The following RAPGEF5 variants were observed in gnomAD, a reference collection of about 807,000 sequenced individuals.
RAPGEF5 encodes the protein M-Ras-regulated GEF.
In RAPGEF5, 65 loss-of-function variants were observed where a neutral mutation model predicts 125.2. That is an observed-to-expected ratio of 0.52 (90% CI 0.43 to 0.64). The LOEUF (loss-of-function observed/expected upper bound fraction) is 0.64, where lower values mean the gene tolerates loss of function less well. Among genes scored for constraint, RAPGEF5 ranks in the 30% least tolerant of loss-of-function variants. The pLI is 0.00. For synonymous variants in RAPGEF5, 391 were observed against 385.9 expected (o/e 1.01, Z -0.16); for missense variants, 958 against 1,048.1 (o/e 0.91, Z 1.19).
intron 13 of RAPGEF5, 71 bp downstream of exon 13, chr7:22,162,326 T>A: frequency 2.8e-6 from 4 of 1,454,452 alleles, no homozygotes; most frequent in Non-Finnish European, 3.8e-6. Flanking sequence ...ACAAATGAGA[T>A]TTTTAAAATG....
intron 1 of RAPGEF5, among the ~76,000 whole-genome samples, chr7:22,351,879 G>A (rs1439331793): frequency 6.6e-6 from 1 of 152,154 alleles, no homozygotes; most frequent in Admixed American, 6.6e-5. Flanking sequence ...AAAGGGAAAG[G>A]GATACTTTGT....
At chr7:22,245,611 A>C (rs1786456381) in intron 7 of RAPGEF5, among the ~76,000 whole-genome samples, 1 of 152,066 alleles carries the variant, frequency 6.6e-6, no homozygotes, top group Admixed American at 6.6e-5. Context: ...ACTAAGCCAT[A>C]TTTCCTCTCA....
chr7:22,344,345 G>C (rs1259967017), intron 1 of RAPGEF5, among the ~76,000 whole-genome samples: 1 of 152,110 alleles, frequency 6.6e-6, no homozygotes, highest in Non-Finnish European at 1.5e-5. Context: ...AGGTTCAGAG[G>C]CCCAAGGAGA....
chr7:22,222,254 A>G (rs568694557), intron 8 of RAPGEF5, among the ~76,000 whole-genome samples: 1 of 152,274 alleles, frequency 6.6e-6, no homozygotes, highest in East Asian at 1.9e-4. Flanking sequence ...AAAAACAAAA[A>G]CAAAGTTCCT....
chr7:22,292,643 C>T (rs1364631916), intron 5 of RAPGEF5, among the ~76,000 whole-genome samples: 3 of 152,148 alleles, frequency 2.0e-5, no homozygotes, highest in African/African-American at 7.2e-5. Flanking sequence ...CGCTTTATAA[C>T]CTCAACCACC....
intron 23 of RAPGEF5, among the ~76,000 whole-genome samples, chr7:22,134,136 TA>T (rs757299194): frequency 2.2e-4 from 34 of 152,358 alleles, no homozygotes; most frequent in African/African-American, 6.0e-4. Flanking sequence ...TAAAAAAGCC[TA>T]AGAATTAATG....
chr7:22,199,557 A>AAAAAAAAAAAAAGAAAAAT (rs1785230210), intron 9 of RAPGEF5, among the ~76,000 whole-genome samples: 1 of 118,172 alleles, frequency 8.5e-6, no homozygotes, highest in Non-Finnish European at 1.8e-5. Context: ...AAAAAAAAAA[A>AAAAAAAAAAAAAGAAAAAT]AGGAACTGAG....
At chr7:22,340,707 A>G (rs1363811108) in intron 1 of RAPGEF5, among the ~76,000 whole-genome samples, 1 of 152,122 alleles carries the variant, frequency 6.6e-6, no homozygotes, top group African/African-American at 2.4e-5. Context: ...GGTATTCCGC[A>G]CTAGAACCCC....
chr7:22,160,455 A>G, intron 14 of RAPGEF5, 63 bp downstream of exon 14: 1 of 1,479,448 alleles, frequency 6.8e-7, no homozygotes, highest in Non-Finnish European at 9.1e-7. Context: ...AGGCATTCCA[A>G]ATTCTATCAT....
At chr7:22,134,445 C>A (rs937310692) in intron 23 of RAPGEF5, among the ~76,000 whole-genome samples, 1 of 151,852 alleles carries the variant, frequency 6.6e-6, no homozygotes, top group Admixed American at 6.6e-5. Context: ...ACAGAGGTCT[C>A]GATAAACTCA....
intron 5 of RAPGEF5, among the ~76,000 whole-genome samples, chr7:22,294,023 A>T (rs1782994377): frequency 6.6e-6 from 1 of 152,204 alleles, no homozygotes. Context: ...TTATCCAATC[A>T]AAATAAATAA....
At chr7:22,172,847 T>C (rs779585783) in intron 11 of RAPGEF5, among the ~76,000 whole-genome samples, 19 of 152,196 alleles carry the variant, frequency 1.2e-4, no homozygotes, top group Non-Finnish European at 2.6e-4. Flanking sequence ...TCAACACTCA[T>C]AAGCAAAATG....
At chr7:22,123,815 T>A (rs1583378000) in intron 25 of RAPGEF5, among the ~76,000 whole-genome samples, 1 of 152,168 alleles carries the variant, frequency 6.6e-6, no homozygotes, top group South Asian at 2.1e-4. Context: ...GCTACAAAGG[T>A]AATTTTATGT....
chr7:22,270,878 TAG>T (rs1361560705), intron 6 of RAPGEF5, among the ~76,000 whole-genome samples: 2 of 152,202 alleles, frequency 1.3e-5, no homozygotes, highest in Admixed American at 1.3e-4. Flanking sequence ...AGAAAAAGCC[TAG>T]AGTTTTGCCA....
chr7:22,162,757 G>A (rs1339412265), intron 12 of RAPGEF5, among the ~76,000 whole-genome samples: 1 of 152,188 alleles, frequency 6.6e-6, no homozygotes, highest in Non-Finnish European at 1.5e-5. Flanking sequence ...GCCAGGAAGT[G>A]AAGGGTTGGA....
chr7:22,216,428 G>A (rs1355483452), intron 9 of RAPGEF5, among the ~76,000 whole-genome samples: 1 of 152,098 alleles, frequency 6.6e-6, no homozygotes, highest in Admixed American at 6.6e-5. Flanking sequence ...CAGGACTGCA[G>A]TCATGTATCT....
At chr7:22,351,568 T>G (rs911118497) in intron 1 of RAPGEF5, among the ~76,000 whole-genome samples, 1 of 152,114 alleles carries the variant, frequency 6.6e-6, no homozygotes, top group African/African-American at 2.4e-5. Flanking sequence ...TGTTTCAGTT[T>G]CTTCATCTGT....
At chr7:22,302,187 T>A (rs1783223049) in intron 5 of RAPGEF5, among the ~76,000 whole-genome samples, 1 of 152,202 alleles carries the variant, frequency 6.6e-6, no homozygotes, top group South Asian at 2.1e-4. Context: ...CAAATATGTA[T>A]GAAGCTAAAT....
rs569645119 is a variant in RAPGEF5 at position 22,143,724 on chromosome 7, C to A, written c.2186+1320G>T. Reference sequence around the variant, plus strand: ...CTTCACCAACGTTTTCCTGATCCTGCTTCCCACACCCTTGGGGTATGAGCT... The same window carrying A: ...CTTCACCAACGTTTTCCTGATCCTGATTCCCACACCCTTGGGGTATGAGCT... On this transcript the variant is annotated intron_variant, in intron 20 of 25. Coordinates refer to ENST00000665637, the MANE Select transcript of RAPGEF5 (RefSeq NM_012294.5). Among the ~76,000 whole-genome samples, 3 of 152,344 alleles carry A rather than the reference C, an allele frequency of 2.0e-5. No homozygotes were observed. The East Asian group carries it at 5.8e-4, about 29-fold the overall frequency.
Sources: gnomAD v4.1 joint callset for allele counts (sites outside exome capture counted in the v4.1 genomes callset) on GRCh38, gnomAD v4.1.1 for gene constraint, MANE v1.5 for transcripts, NCBI Gene and HGNC (gene_info 2026-07-23, HGNC 2026-07-21) for gene names.